Variants in CADPS observed in about 807,000 individuals in gnomAD.
The protein encoded by CADPS is calcium-dependent secretion activator 1.
Under a neutral mutation model 167.3 loss-of-function variants are expected in CADPS, and 57 were observed. The observed-to-expected ratio is 0.34, with a 90% CI of 0.28 to 0.42. CADPS has a LOEUF of 0.42. CADPS is among the 20% of genes least tolerant of loss of function. The pLI is 1.00. For synonymous variants in CADPS, 676 were observed against 635.3 expected (o/e 1.06, Z -0.96); for missense variants, 1,414 against 1,738.1 (o/e 0.81, Z 3.32).
At chr3:62,851,485 C>T (rs943891045) in intron 1 of CADPS, among the ~76,000 whole-genome samples, 23 of 149,978 alleles carry the variant, frequency 1.5e-4, no homozygotes, top group African/African-American at 5.6e-4. Context: ...GACAAAATCT[C>T]TCAGCCTTTG....
intron 9 of CADPS, among the ~76,000 whole-genome samples, chr3:62,568,642 T>G (rs1355573368): frequency 6.6e-6 from 1 of 152,216 alleles, no homozygotes; most frequent in Non-Finnish European, 1.5e-5. Context: ...TATCAGCTTC[T>G]TTCTTCCCCA....
intron 6 of CADPS, among the ~76,000 whole-genome samples, chr3:62,606,440 C>T (rs1010660390): frequency 6.6e-6 from 1 of 152,082 alleles, no homozygotes; most frequent in African/African-American, 2.4e-5. Flanking sequence ...CATGCTCAGC[C>T]CTTTTGCCAT....
rs781671323 is a variant in CADPS, at chr3:62,874,577, A to T, written c.441+12T>A. ...CCGGGTGCTGCTCCCTGGGCCTCCC[A>T]GGCGCACCTACCTTCTGCTGCCGGC... On this transcript the variant is annotated intron_variant, in intron 1 of 29. Coordinates refer to ENST00000383710, the MANE Select transcript of CADPS (RefSeq NM_003716.4). The surrounding 1 kb of genome is among the most constrained non-coding windows in gnomAD (Gnocchi z 7.1). 185 of 1,540,398 alleles carry T rather than the reference A, an allele frequency of 1.2e-4. No homozygotes were observed. The highest frequency in any genetic ancestry group is 1.6e-4 in the Non-Finnish European group (182 of 1,140,996).
At chr3:62,794,306 C>A (rs1447272074) in intron 1 of CADPS, among the ~76,000 whole-genome samples, 1 of 152,156 alleles carries the variant, frequency 6.6e-6, no homozygotes, top group Non-Finnish European at 1.5e-5. Context: ...GTGATGGAAG[C>A]TTGTATTTAC....
intron 27 of CADPS, among the ~76,000 whole-genome samples, chr3:62,443,598 T>G (rs1013443495): frequency 6.6e-6 from 1 of 152,158 alleles, no homozygotes; most frequent in African/African-American, 2.4e-5. Context: ...CTTGTGATAC[T>G]GAGTGAGTTC....
At chr3:62,556,151 T>C (rs1457096078) in intron 10 of CADPS, among the ~76,000 whole-genome samples, 2 of 152,202 alleles carry the variant, frequency 1.3e-5, no homozygotes, top group Non-Finnish European at 2.9e-5. Flanking sequence ...AGGACTGGTT[T>C]CCTAAGGCAG....
At chr3:62,510,725 T>C (rs2067621304) in intron 17 of CADPS, among the ~76,000 whole-genome samples, 1 of 152,138 alleles carries the variant, frequency 6.6e-6, no homozygotes, top group African/African-American at 2.4e-5. Flanking sequence ...CCCACTTCCC[T>C]ACAATTTGCA....
At chr3:62,866,552 C>G (rs2081725059) in intron 1 of CADPS, among the ~76,000 whole-genome samples, 1 of 151,904 alleles carries the variant, frequency 6.6e-6, no homozygotes, top group Admixed American at 6.6e-5. Context: ...CAATACTTAG[C>G]CCACTACAAA....
chr3:62,620,492 T>C (rs968890009), intron 6 of CADPS, among the ~76,000 whole-genome samples: 9 of 152,164 alleles, frequency 5.9e-5, no homozygotes, highest in Non-Finnish European at 1.5e-5. Flanking sequence ...TACTAGGCAC[T>C]GTATGAAACA....
At chr3:62,784,755 CAAAAACA>C (rs1326140177) in intron 1 of CADPS, among the ~76,000 whole-genome samples, 3 of 17,042 alleles carry the variant, frequency 1.8e-4, no homozygotes, top group African/African-American at 4.8e-4. Context: ...AGAATGCAAG[CAAAAACA>C]AAAAAAAAAA....
At chr3:62,513,516 A>C in intron 16 of CADPS, 1 of 648,692 alleles carries the variant, frequency 1.5e-6, no homozygotes, top group South Asian at 1.9e-5. Context: ...CAGAACCAAC[A>C]GACAAGCCAA....
intron 24 of CADPS, among the ~76,000 whole-genome samples, chr3:62,468,609 C>T (rs1180944848): frequency 2.6e-5 from 4 of 152,118 alleles, no homozygotes; most frequent in East Asian, 1.9e-4. Context: ...GTTGAGACAT[C>T]GTGGCTTATG....
At chr3:62,617,965 T>C (rs2062594430) in intron 6 of CADPS, among the ~76,000 whole-genome samples, 1 of 152,126 alleles carries the variant, frequency 6.6e-6, no homozygotes, top group Non-Finnish European at 1.5e-5. Flanking sequence ...TTGAACTTGG[T>C]ACACATGGTT....
intron 1 of CADPS, among the ~76,000 whole-genome samples, chr3:62,837,277 G>A (rs757439156): frequency 9.2e-5 from 14 of 152,160 alleles, no homozygotes; most frequent in Non-Finnish European, 1.8e-4. Context: ...ATGTGACTGA[G>A]CTGTGATGAA....
chr3:62,856,655 T>C (rs949095755), intron 1 of CADPS, among the ~76,000 whole-genome samples: 4 of 151,920 alleles, frequency 2.6e-5, no homozygotes, highest in African/African-American at 9.7e-5. Flanking sequence ...ATCAATGGCT[T>C]TCTACCAGGA....
chr3:62,739,098 T>G (rs2079630284), intron 3 of CADPS, among the ~76,000 whole-genome samples: 2 of 152,214 alleles, frequency 1.3e-5, no homozygotes, highest in Admixed American at 1.3e-4. Context: ...TAGCTGGCCT[T>G]GTGACTTCCT....
chr3:62,718,923 G>A (rs1260903955), intron 3 of CADPS, among the ~76,000 whole-genome samples: 1 of 152,204 alleles, frequency 6.6e-6, no homozygotes, highest in Non-Finnish European at 1.5e-5. Context: ...TTGGAGACAG[G>A]CTGAAGATAT....
chr3:62,730,395 G>A (rs529525828), intron 3 of CADPS, among the ~76,000 whole-genome samples: 121 of 152,244 alleles, frequency 7.9e-4, no homozygotes, highest in Non-Finnish European at 1.4e-3. Flanking sequence ...CTAAAACATC[G>A]AATTATCCAG....
At chr3:62,840,486 T>C (rs1275877121) in intron 1 of CADPS, among the ~76,000 whole-genome samples, 6 of 152,284 alleles carry the variant, frequency 3.9e-5, no homozygotes, top group African/African-American at 1.2e-4. Flanking sequence ...ACTTAGTTTT[T>C]TGAACTGACA....
Sources: gnomAD v4.1 joint callset for allele counts (sites outside exome capture counted in the v4.1 genomes callset) on GRCh38, gnomAD v4.1.1 for gene constraint, Gnocchi (gnomAD v3.1) non-coding constraint, MANE v1.5 for transcripts, NCBI Gene and HGNC (gene_info 2026-07-23, HGNC 2026-07-21) for gene names.